Variants in POLR1D observed in about 807,000 individuals in gnomAD.
POLR1D encodes RNA polymerase I and III subunit D, also known as DNA-directed RNA polymerases I and III subunit RPAC2.
In POLR1D, 8 loss-of-function variants were observed where a neutral mutation model predicts 10.8. The observed-to-expected ratio is 0.74, with a 90% CI of 0.43 to 1.33. The LOEUF is 1.33. Ranked by LOEUF, POLR1D falls within the 40% of genes most tolerant of loss-of-function variation. The pLI is 0.01. For missense variants in POLR1D, 152 were observed against 161.7 expected, an observed-to-expected ratio of 0.94 and a Z score of 0.32; for synonymous variants, 54 against 57.2, an observed-to-expected ratio of 0.94 and a Z score of 0.25.
At chr13:27,636,418 T>C (rs1956124808) in intron 1 of POLR1D, among the ~76,000 whole-genome samples, 1 of 152,200 alleles carries the variant, frequency 6.6e-6, no homozygotes, top group Non-Finnish European at 1.5e-5. Context: ...CATTTTTTAA[T>C]AATATAGATT....
At chr13:27,657,458 G>A (rs1357977298) in intron 2 of POLR1D, among the ~76,000 whole-genome samples, 5 of 152,084 alleles carry the variant, frequency 3.3e-5, no homozygotes, top group African/African-American at 1.2e-4. Flanking sequence ...CCTAGGAGGC[G>A]GAGGTTGCAG....
At chr13:27,624,106 G>C (rs758315005), downstream of POLR1D, among the ~76,000 whole-genome samples, 3 of 152,164 alleles carry the variant, frequency 2.0e-5, no homozygotes, top group Non-Finnish European at 4.4e-5. Flanking sequence ...ACCCGCCAGT[G>C]CTCTGTGCTT....
At chr13:27,642,471 C>G (rs540173756) in intron 1 of POLR1D, among the ~76,000 whole-genome samples, 56 of 152,266 alleles carry the variant, frequency 3.7e-4, no homozygotes, top group African/African-American at 1.3e-3. Flanking sequence ...CAGTGACATA[C>G]TATATTTTTT....
At chr13:27,626,759 A>G (rs1048663429), downstream of POLR1D, among the ~76,000 whole-genome samples, 1 of 152,238 alleles carries the variant, frequency 6.6e-6, no homozygotes, top group African/African-American at 2.4e-5. Context: ...GGCTTTTAAC[A>G]TGTAGTAATT....
At chr13:27,667,271 T>C (rs929381546) in exon 3 of POLR1D, 15 of 152,334 alleles carry the variant, frequency 9.8e-5, no homozygotes, top group Admixed American at 4.6e-4. Context: ...CATCTGACTT[T>C]ATTCAAATCT....
intron 2 of POLR1D, chr13:27,650,905 G>C (rs889065535): frequency 2.6e-5 from 4 of 152,090 alleles, no homozygotes; most frequent in Admixed American, 2.6e-4. Flanking sequence ...TGATAAATAG[G>C]AAGAAGTAAG....
intron 1 of POLR1D, among the ~76,000 whole-genome samples, chr13:27,647,414 G>A (rs1956230423): frequency 6.6e-6 from 1 of 151,790 alleles, no homozygotes; most frequent in Admixed American, 6.6e-5. Flanking sequence ...TTAGAGACCA[G>A]GTCTTGCTAT....
intron 2 of POLR1D, among the ~76,000 whole-genome samples, chr13:27,660,356 C>T (rs1023025741): frequency 9.9e-5 from 15 of 152,180 alleles, no homozygotes; most frequent in African/African-American, 2.9e-4. Flanking sequence ...ATGGAAGATA[C>T]GCTATTTGCT....
At chr13:27,633,800 A>G (rs1956096609) in intron 1 of POLR1D, among the ~76,000 whole-genome samples, 1 of 152,220 alleles carries the variant, frequency 6.6e-6, no homozygotes, top group African/African-American at 2.4e-5. Context: ...TCAGATCCTG[A>G]GTTGCTGCTT....
chr13:27,629,240 C>T (rs954620381), intron 1 of POLR1D, among the ~76,000 whole-genome samples: 1 of 152,198 alleles, frequency 6.6e-6, no homozygotes, highest in African/African-American at 2.4e-5. Flanking sequence ...AGCTGTTGGA[C>T]TCACAATGCC....
At chr13:27,631,351 A>G (rs1032538533) in intron 1 of POLR1D, among the ~76,000 whole-genome samples, 4 of 152,226 alleles carry the variant, frequency 2.6e-5, no homozygotes, top group Non-Finnish European at 2.9e-5. Flanking sequence ...GAGAGAACCC[A>G]AGACAGAAGC....
At chr13:27,626,154 T>G (rs1956006892), downstream of POLR1D, among the ~76,000 whole-genome samples, 1 of 152,232 alleles carries the variant, frequency 6.6e-6, no homozygotes, top group South Asian at 2.1e-4. Context: ...AAAAACTTTT[T>G]TCCTCTCCCA....
In POLR1D at chr13:27,654,412, A is replaced by G. The variant is rs140016366; in HGVS notation, c.101+5959A>G. ...TATTTTTAAAATCACATTTGTAAAT[A>G]TCATCACCAATCTCATCAGATCAGT... On this transcript the variant is annotated intron_variant, in intron 2 of 2. Coordinates refer to the POLR1D transcript ENST00000399697. 4.1e-3 allele frequency among the ~76,000 whole-genome samples: 622 copies of G among 152,352 alleles called. 5 individuals are homozygous for G. Among genetic ancestry groups the G allele is most frequent in the African/African-American group, 0.014 (590 of 41,588 alleles).
chr13:27,626,964 G>A (rs188550458), downstream of POLR1D, among the ~76,000 whole-genome samples: 9 of 152,308 alleles, frequency 5.9e-5, no homozygotes, highest in Non-Finnish European at 1.0e-4. Flanking sequence ...TGCATCTCAA[G>A]AGATAGGAAA....
At chr13:27,633,616 T>C (rs1204067835) in intron 1 of POLR1D, among the ~76,000 whole-genome samples, 1 of 152,244 alleles carries the variant, frequency 6.6e-6, no homozygotes, top group Non-Finnish European at 1.5e-5. Context: ...GCCATTTTTA[T>C]CATGTTTGCT....
chr13:27,622,059 G>T, intron 1 of POLR1D, 50 bp downstream of exon 1: 1 of 1,512,950 alleles, frequency 6.6e-7, no homozygotes, highest in Non-Finnish European at 9.0e-7. Context: ...CAAGGGGAGC[G>T]GGTGGCCGAG....
intron 2 of POLR1D, among the ~76,000 whole-genome samples, chr13:27,653,705 T>C (rs950768200): frequency 1.3e-5 from 2 of 152,218 alleles, no homozygotes; most frequent in African/African-American, 4.8e-5. Context: ...ATTTATTCAT[T>C]TTTAAATAAT....
At chr13:27,624,260 C>T (rs1428039952), downstream of POLR1D, among the ~76,000 whole-genome samples, 1 of 152,158 alleles carries the variant, frequency 6.6e-6, no homozygotes, top group Non-Finnish European at 1.5e-5. Context: ...CTGGCCTTGG[C>T]ATTTACTATG....
chr13:27,623,265 T>C lies in POLR1D; in HGVS notation c.*15T>C, dbSNP rs1955971580. 1.9e-6 allele frequency: 3 copies of C among 1,613,104 alleles called. No homozygotes were observed. Among genetic ancestry groups the C allele is most frequent in the African/African-American group, 1.3e-5 (1 of 74,906 alleles). On this transcript the variant is annotated 3_prime_UTR_variant, in exon 2 of 2. Transcript: ENST00000302979. Reference sequence around the variant, plus strand: ...CCACATTCTAGTCCTTTATGCAGTATACAAGGAGAACTGTCCTGTAGGATA... The same window carrying C: ...CCACATTCTAGTCCTTTATGCAGTACACAAGGAGAACTGTCCTGTAGGATA...
Sources: allele counts gnomAD v4.1 joint callset (sites outside exome capture counted in the v4.1 genomes callset), GRCh38; gene constraint gnomAD v4.1.1; transcripts MANE v1.5; gene names NCBI Gene and HGNC (gene_info 2026-07-23, HGNC 2026-07-21).